The following CDKN2A variants were observed in gnomAD, a reference collection of about 807,000 sequenced individuals.
The protein encoded by CDKN2A is cyclin-dependent kinase inhibitor 2A.
A neutral mutation model predicts 11.1 loss-of-function variants in CDKN2A; 3 were observed. That is an observed-to-expected ratio of 0.27 (90% confidence interval 0.12 to 0.70). CDKN2A has a LOEUF of 0.70. Ranked by LOEUF, CDKN2A falls within the 30% of genes least tolerant of loss-of-function variation. The pLI is 0.77. For missense variants in CDKN2A, 265 were observed against 233.6 expected, an observed-to-expected ratio of 1.13 and a Z score of -0.88; for synonymous variants, 122 against 108.1, an observed-to-expected ratio of 1.13 and a Z score of -0.80.
upstream of CDKN2A, chr9:21,974,865 C>A (rs2131114723): frequency 6.7e-7 from 1 of 1,493,514 alleles, no homozygotes; most frequent in Non-Finnish European, 8.8e-7. The surrounding 1 kb of genome is among the most constrained non-coding windows in gnomAD (Gnocchi z 5.2). Flanking sequence ...CTCCCCCTCT[C>A]CGCAGCCGCC....
intron 2 of CDKN2A, chr9:21,970,464 G>A (rs1244988677): frequency 1.0e-5 from 4 of 387,080 alleles, no homozygotes; most frequent in East Asian, 4.5e-5. Flanking sequence ...ATGATGCCAC[G>A]CACAATTGGG....
At chr9:21,973,626 G>C (rs955776335) in intron 1 of CDKN2A, among the ~76,000 whole-genome samples, 1 of 152,144 alleles carries the variant, frequency 6.6e-6, no homozygotes, top group Admixed American at 6.5e-5. Context: ...CAGGAGTAGG[G>C]AGAGGAGAAA....
intron 2 of CDKN2A, chr9:21,970,288 T>G (rs1176832732): frequency 8.4e-6 from 2 of 237,872 alleles, no homozygotes; most frequent in Non-Finnish European, 1.6e-5. Flanking sequence ...AGGAGCCAAC[T>G]CCGGTGCACA....
At position 21,994,126 on chromosome 9, in the gene CDKN2A, G is replaced by A. The variant is rs777267719; in HGVS notation, c.-175-73C>T. 2.5e-6 allele frequency: 4 copies of A among 1,599,704 alleles called. No individual in the cohort carries two copies. Among genetic ancestry groups the A allele is most frequent in the Non-Finnish European group, 3.4e-6 (4 of 1,179,570 alleles). On this transcript the variant is annotated intron_variant, in intron 1 of 3. Coordinates refer to the CDKN2A transcript ENST00000494262. ...GCCGAATGCGCCCCGGACTTTTCGAGGGCCTTTCCTACCTGGTCTTCTAGG... is the reference window on the plus strand; with the variant it reads ...GCCGAATGCGCCCCGGACTTTTCGAAGGCCTTTCCTACCTGGTCTTCTAGG...
Position 21,995,242 on chromosome 9 carries a change from C to G in CDKN2A, c.-597G>C, listed in dbSNP as rs1348256925. The stretch of plus-strand genomic sequence containing the variant: ...CAGCTGCCCGCGTCGCCGAGGGCGC[C>G]TGGCTGGGACAAGCACCGAGTCCTT... On this transcript the variant is annotated 5_prime_UTR_variant, in exon 1 of 4. Coordinates refer to the CDKN2A transcript ENST00000494262. The surrounding 1 kb of genome is among the most constrained non-coding windows in gnomAD (Gnocchi z 5.7). 6.6e-6 allele frequency: 1 copy of G among 152,280 alleles called. No individual in the cohort carries two copies. Among genetic ancestry groups the G allele is most frequent in the African/African-American group, 2.4e-5 (1 of 41,458 alleles). The allele number at this position is 152,280 out of a possible 1,614,324, so 9.4% of individuals were successfully genotyped here. A position where few individuals can be genotyped will look rare whatever the true frequency, so the allele number is the denominator to read the frequency against.
upstream of CDKN2A, chr9:21,975,139 G>T (rs1819986776): frequency 8.2e-7 from 1 of 1,213,780 alleles, no homozygotes; most frequent in South Asian, 2.9e-5. Context: ...CCTCGCCAGA[G>T]CCAGCGTTGG....
In CDKN2A at chr9:21,994,100, T is replaced by C. The variant is rs769007005; in HGVS notation, c.-175-47A>G. 1.5e-5 allele frequency: 23 copies of C among 1,586,018 alleles called. No homozygotes were observed. In the Middle Eastern group the frequency reaches 6.6e-4, roughly 46 times the overall value. ...ACGAAATCACACCAAACAAAACAAG[T>C]GCCGAATGCGCCCCGGACTTTTCGA... is the stretch of plus-strand genomic sequence containing the variant. On this transcript the variant is annotated intron_variant, in intron 1 of 3. Coordinates refer to the CDKN2A transcript ENST00000494262.
intron 2 of CDKN2A, among the ~76,000 whole-genome samples, chr9:21,981,584 G>A (rs4074785): frequency 0.12 from 17,932 of 151,486 alleles, 1,335 homozygotes; most frequent in Admixed American, 0.25. Flanking sequence ...GGAAATTAGA[G>A]TCCCTGTCCT....
At chr9:21,985,851 A>G (rs1016556421) in intron 2 of CDKN2A, among the ~76,000 whole-genome samples, 2 of 151,962 alleles carry the variant, frequency 1.3e-5, no homozygotes, top group Non-Finnish European at 2.9e-5. Flanking sequence ...ATACATAAAT[A>G]TATTTTTATT....
intron 2 of CDKN2A, among the ~76,000 whole-genome samples, chr9:21,984,076 A>G (rs1820252332): frequency 6.6e-6 from 1 of 152,016 alleles, no homozygotes; most frequent in Admixed American, 6.6e-5. Context: ...GAGAATATAT[A>G]TGACATTTAC....
chr9:21,991,782 T>C lies in CDKN2A; in HGVS notation c.-4+2100A>G. 1.0e-6 allele frequency: 1 copy of C among 985,238 alleles called. No individual in the cohort carries two copies. The highest frequency in any genetic ancestry group is 1.2e-6 in the Non-Finnish European group (1 of 829,788). 61.0% of individuals were successfully genotyped at this position (985,238 alleles called of 1,614,324 possible). On this transcript the variant is annotated intron_variant, in intron 2 of 3. Transcript: ENST00000494262. This position sits in a 1 kb window ranked among gnomAD's most constrained non-coding sequence, Gnocchi z 5.2. ...AGTACTCAAAGAAGTAAAATGAATATAAGTCTTGATTTCTGAAAGGGCTAT... is the reference window on the plus strand; with the variant it reads ...AGTACTCAAAGAAGTAAAATGAATACAAGTCTTGATTTCTGAAAGGGCTAT...
intron 2 of CDKN2A, among the ~76,000 whole-genome samples, chr9:21,969,400 A>C (rs1179763711): frequency 6.6e-6 from 1 of 152,218 alleles, no homozygotes; most frequent in African/African-American, 2.4e-5. Flanking sequence ...TGTAAACCCC[A>C]TGAGGGCAAG....
exon 2 of CDKN2A, chr9:21,993,935 G>T: frequency 1.6e-6 from 1 of 642,964 alleles, no homozygotes; most frequent in Non-Finnish European, 2.8e-6. Context: ...CCACGATTGA[G>T]GGGCTGTGTG....
chr9:21,989,039 C>T (rs1414912517), intron 2 of CDKN2A, among the ~76,000 whole-genome samples: 1 of 152,128 alleles, frequency 6.6e-6, no homozygotes, highest in Non-Finnish European at 1.5e-5. Context: ...AAAATCATTC[C>T]TGTAATTTCT....
chr9:21,974,821 G>A lies in CDKN2A; in HGVS notation c.7C>T (p.Pro3Ser), dbSNP rs947790209. Residue 3 changes from proline (P) to serine (S), a missense_variant, in exon 1 of 3, where the codon CCG becomes TCG. By Grantham distance (74) the Pro-to-Ser change is moderately conservative (BLOSUM62 -1). Coordinates refer to ENST00000304494, the MANE Select transcript of CDKN2A (RefSeq NM_000077.5). The surrounding 1 kb of genome is among the most constrained non-coding windows in gnomAD (Gnocchi z 5.2). ME[P>S]AAGSSMEPSA... ...GGCTCCATGCTGCTCCCCGCCGCCG[G>A]CTCCATGCTGCTCCCCGCCGCCCGC... 1.9e-6 allele frequency: 3 copies of A among 1,591,586 alleles called. No homozygotes were observed. Among genetic ancestry groups the A allele is most frequent in the East Asian group, 4.5e-5 (2 of 44,330 alleles).
In CDKN2A at chr9:21,971,575, A is replaced by ATT. The variant is rs59981968; in HGVS notation, c.151-369_151-368dup. The stretch of plus-strand genomic sequence containing the variant: ...TCCTGAAATTATGTTAGGCCTGGAG[A>ATT]TTTTTTTTTTTTTTTTTGTTCACTG... On this transcript the variant is annotated intron_variant, in intron 1 of 2. Coordinates refer to ENST00000304494, the MANE Select transcript of CDKN2A (RefSeq NM_000077.5). Among the ~76,000 whole-genome samples, 16 of 111,396 alleles carry ATT rather than the reference A, an allele frequency of 1.4e-4. 1 individual carries two copies. Among genetic ancestry groups the ATT allele is most frequent in the Middle Eastern group, 4.7e-3 (1 of 214 alleles). 73.1% of individuals were successfully genotyped at this position (111,396 alleles called of 152,430 possible). A position where few individuals can be genotyped will look rare whatever the true frequency, so the allele number is the denominator to read the frequency against.
intron 1 of CDKN2A, among the ~76,000 whole-genome samples, chr9:21,971,575 A>AATTTTTTTTTTTTTTTTTTTTT (rs1819755127): frequency 9.0e-6 from 1 of 111,398 alleles, no homozygotes; most frequent in African/African-American, 4.4e-5. Context: ...AGGCCTGGAG[A>AATTTTTTTTTTTTTTTTTTTTT]TTTTTTTTTT....
rs1349568683 is a variant in CDKN2A at position 21,988,391 on chromosome 9, G to T, written c.-4+5491C>A. Among the ~76,000 whole-genome samples the T allele has an allele frequency of 6.6e-6, 1 of 152,086 alleles. No homozygotes were observed. Among genetic ancestry groups the T allele is most frequent in the African/African-American group, 2.4e-5 (1 of 41,412 alleles). ...ATGCTTTGGGAATTTCAATCCTGTA[G>T]TTGATGGCTTTCACTTTTTTTTCCC... On this transcript the variant is annotated intron_variant, in intron 2 of 3. Coordinates refer to the CDKN2A transcript ENST00000494262. The surrounding 1 kb of genome is among the most constrained non-coding windows in gnomAD (Gnocchi z 4.1).
chr9:21,991,553 C>G lies in CDKN2A; in HGVS notation c.-4+2329G>C. Reference sequence around the variant, plus strand: ...GCACTGGGCCCACTGTTGAACCTTGCTATAAAAAAGTATTTTTGATACCAT... The same window carrying G: ...GCACTGGGCCCACTGTTGAACCTTGGTATAAAAAAGTATTTTTGATACCAT... On this transcript the variant is annotated intron_variant, in intron 2 of 3. Transcript: ENST00000494262. This position sits in a 1 kb window ranked among gnomAD's most constrained non-coding sequence, Gnocchi z 5.2. 1 of 633,940 alleles carries G rather than the reference C, an allele frequency of 1.6e-6. No homozygotes were observed. The highest frequency in any genetic ancestry group is 2.0e-6 in the Non-Finnish European group (1 of 509,222). The allele number at this position is 633,940 out of a possible 1,614,324, so 39.3% of individuals were successfully genotyped here. A position where few individuals can be genotyped will look rare whatever the true frequency, so the allele number is the denominator to read the frequency against.
Sources: gnomAD v4.1 joint callset for allele counts (sites outside exome capture counted in the v4.1 genomes callset) on GRCh38, gnomAD v4.1.1 for gene constraint, Gnocchi (gnomAD v3.1) non-coding constraint, MANE v1.5 for transcripts, NCBI Gene and HGNC (gene_info 2026-07-23, HGNC 2026-07-21) for gene names.